KALRN: variants seen among roughly 807,000 people sequenced by gnomAD.
The protein encoded by KALRN is kalirin RhoGEF kinase, also known as kalirin.
KALRN carries 70 observed loss-of-function variants against 353.7 expected under a neutral mutation model. The observed-to-expected ratio is 0.20, with a 90% CI of 0.16 to 0.24. KALRN has a LOEUF of 0.24. Among genes scored for constraint, KALRN ranks in the 10% least tolerant of loss-of-function variants. The pLI is 1.00. For missense variants in KALRN, 2,791 were observed against 3,756.7 expected, an observed-to-expected ratio of 0.74 and a Z score of 6.72; for synonymous variants, 1,391 against 1,434.8, an observed-to-expected ratio of 0.97 and a Z score of 0.69.
chr3:124,639,840 G>A (rs1251848528), intron 37 of KALRN, among the ~76,000 whole-genome samples: 1 of 152,198 alleles, frequency 6.6e-6, no homozygotes, highest in East Asian at 1.9e-4. Context: ...GGCTTAACAT[G>A]TAAAACCAAG....
chr3:124,496,622 T>C (rs2063882620), intron 33 of KALRN, among the ~76,000 whole-genome samples: 1 of 152,036 alleles, frequency 6.6e-6, no homozygotes, highest in African/African-American at 2.4e-5. Context: ...ACTGCGGTGG[T>C]TCAGGCTGAC....
At chr3:124,435,658 G>T (rs541341245) in intron 17 of KALRN, among the ~76,000 whole-genome samples, 1 of 152,168 alleles carries the variant, frequency 6.6e-6, no homozygotes, top group Non-Finnish European at 1.5e-5. Flanking sequence ...TGCAGCCAGG[G>T]TGAGAGTCTC....
intron 1 of KALRN, among the ~76,000 whole-genome samples, chr3:124,124,255 G>T (rs2064370070): frequency 6.6e-6 from 1 of 152,184 alleles, no homozygotes; most frequent in African/African-American, 2.4e-5. Flanking sequence ...TGACTTTAAA[G>T]GGTTCAAGGC....
chr3:124,454,392 A>G (rs2059096210), intron 21 of KALRN, among the ~76,000 whole-genome samples: 1 of 152,162 alleles, frequency 6.6e-6, no homozygotes, highest in Non-Finnish European at 1.5e-5. Flanking sequence ...GACCTGCATC[A>G]CTTCCCTCCA....
chr3:124,298,995 T>C (rs746558318), intron 6 of KALRN, 82 bp downstream of exon 6: 68 of 1,559,634 alleles, frequency 4.4e-5, no homozygotes, highest in Non-Finnish European at 5.6e-5. Flanking sequence ...AAACAGACTT[T>C]CCACCCGAGG....
At chr3:124,417,649 G>A (rs1199403994) in intron 14 of KALRN, among the ~76,000 whole-genome samples, 2 of 152,188 alleles carry the variant, frequency 1.3e-5, no homozygotes, top group African/African-American at 4.8e-5. Flanking sequence ...TTCTCCTTGA[G>A]CATAAAGGCT....
chr3:124,424,652 A>C (rs1328615484), intron 15 of KALRN, among the ~76,000 whole-genome samples: 1 of 152,100 alleles, frequency 6.6e-6, no homozygotes, highest in Non-Finnish European at 1.5e-5. Flanking sequence ...CTGGGATTAC[A>C]CCTGAGTCTC....
At chr3:124,094,188 T>A (rs1480111733) in intron 1 of KALRN, 3 of 154,420 alleles carry the variant, frequency 1.9e-5, no homozygotes, top group Admixed American at 1.9e-4. Flanking sequence ...GACCCATGAC[T>A]GTGTGACTTC....
At chr3:124,058,329 T>G (rs1443475011) in intron 1 of KALRN, among the ~76,000 whole-genome samples, 1 of 152,196 alleles carries the variant, frequency 6.6e-6, no homozygotes, top group Non-Finnish European at 1.5e-5. Flanking sequence ...CAGAGCTGCC[T>G]ATATATCTTT....
Position 124,596,562 on chromosome 3 carries a change from G to A in KALRN, c.5182+33473G>A, listed in dbSNP as rs546675338. ...TTGAGATGCTTTACATTATTTTTTTGTACCAAGTCTTTGAAATCTGGTGTG... is the reference window on the plus strand; with the variant it reads ...TTGAGATGCTTTACATTATTTTTTTATACCAAGTCTTTGAAATCTGGTGTG... On this transcript the variant is annotated intron_variant, in intron 34 of 59. Coordinates refer to ENST00000682506, the MANE Select transcript of KALRN (RefSeq NM_001388419.1). Among the ~76,000 whole-genome samples, 9 of 152,108 alleles carry A rather than the reference G, an allele frequency of 5.9e-5. No individual in the cohort carries two copies. The East Asian group carries it at 1.7e-3, about 29-fold the overall frequency.
intron 1 of KALRN, among the ~76,000 whole-genome samples, chr3:124,189,811 C>G (rs542689239): frequency 6.6e-6 from 1 of 151,882 alleles, no homozygotes. Flanking sequence ...TGGTGGCATG[C>G]GCCTGTAATC....
intron 48 of KALRN, among the ~76,000 whole-genome samples, chr3:124,672,363 C>T (rs569585587): frequency 6.6e-6 from 1 of 152,298 alleles, no homozygotes; most frequent in Non-Finnish European, 1.5e-5. Flanking sequence ...TATACCAGTT[C>T]CCTGTGGCAT....
chr3:124,093,636 C>T (rs1283350491), intron 1 of KALRN, among the ~76,000 whole-genome samples: 2 of 152,154 alleles, frequency 1.3e-5, no homozygotes, highest in African/African-American at 4.8e-5. Context: ...ACTCAGATGC[C>T]CTTGCATGTT....
At chr3:124,178,938 A>G (rs1281704095) in intron 1 of KALRN, among the ~76,000 whole-genome samples, 1 of 152,062 alleles carries the variant, frequency 6.6e-6, no homozygotes, top group Non-Finnish European at 1.5e-5. Context: ...CCCAGTCTCT[A>G]TAAACATTTT....
rs1021544388 is a variant in KALRN, at chr3:124,721,334, C to T, written c.*1864C>T. The T allele has an allele frequency of 1.3e-5, 2 of 152,124 alleles. No homozygotes were observed. Among genetic ancestry groups the T allele is most frequent in the South Asian group, 2.1e-4 (1 of 4,820 alleles). The allele number at this position is 152,124 out of a possible 1,614,324, so 9.4% of individuals were successfully genotyped here. On this transcript the variant is annotated 3_prime_UTR_variant, in exon 60 of 60. Coordinates refer to ENST00000682506, the MANE Select transcript of KALRN (RefSeq NM_001388419.1). ...TAACCAAATATATGGAAACCGACTC[C>T]GACTGTATTTGTTTCTTAATTTTCA...
chr3:124,411,985 C>T (rs970240376), intron 13 of KALRN, among the ~76,000 whole-genome samples: 3 of 152,012 alleles, frequency 2.0e-5, no homozygotes, highest in Non-Finnish European at 4.4e-5. Flanking sequence ...GAACCTAGGG[C>T]AGTGAGAGTG....
intron 47 of KALRN, among the ~76,000 whole-genome samples, chr3:124,668,209 C>T (rs966948510): frequency 6.6e-6 from 1 of 152,154 alleles, no homozygotes; most frequent in Non-Finnish European, 1.5e-5. Flanking sequence ...TACAGGCCCA[C>T]CCTCGGGTGT....
intron 57 of KALRN, among the ~76,000 whole-genome samples, chr3:124,709,665 A>G (rs1372045329): frequency 1.3e-5 from 2 of 152,254 alleles, no homozygotes; most frequent in Admixed American, 6.5e-5. Flanking sequence ...GAAATAGAAT[A>G]GGAAAAGAAG....
chr3:124,349,687 TGTAA>T (rs2082647087), intron 10 of KALRN, among the ~76,000 whole-genome samples: 1 of 152,074 alleles, frequency 6.6e-6, no homozygotes, highest in East Asian at 1.9e-4. Flanking sequence ...TGGTTATAAT[TGTAA>T]GTGTTATATT....
Sources: allele counts gnomAD v4.1 joint callset (sites outside exome capture counted in the v4.1 genomes callset), GRCh38; gene constraint gnomAD v4.1.1; transcripts MANE v1.5; gene names NCBI Gene and HGNC (gene_info 2026-07-23, HGNC 2026-07-21).